BBS9: variants seen among roughly 807,000 people sequenced by gnomAD.
BBS9 encodes Bardet-Biedl syndrome 9.
In BBS9, 89 loss-of-function variants were observed where a neutral mutation model predicts 117.7. The ratio of observed to expected loss-of-function variants is 0.76; its 90% CI spans 0.64 to 0.90. The LOEUF (loss-of-function observed/expected upper bound fraction) is 0.90, where lower values mean the gene tolerates loss of function less well. Among genes scored for constraint, BBS9 ranks in the 40% least tolerant of loss-of-function variants. BBS9 has a pLI of 0.00. For synonymous variants in BBS9, 379 were observed against 370.9 expected, an observed-to-expected ratio of 1.02 and a Z score of -0.25; for missense variants, 982 against 1,042.2, an observed-to-expected ratio of 0.94 and a Z score of 0.80.
intron 4 of BBS9, among the ~76,000 whole-genome samples, chr7:33,159,908 TA>T (rs1217876406): frequency 3.3e-5 from 5 of 152,262 alleles, no homozygotes; most frequent in Admixed American, 6.5e-5. Flanking sequence ...CCAAACCAAC[TA>T]AAATTAAATA....
chr7:33,312,582 CAAA>C lies in BBS9; in HGVS notation c.1017-23858_1017-23856del, dbSNP rs1436006626. Among the ~76,000 whole-genome samples, 9 of 152,308 alleles carry C rather than the reference CAAA, an allele frequency of 5.9e-5. No homozygotes were observed. In the East Asian group the frequency reaches 1.7e-3, roughly 29 times the overall value. The stretch of plus-strand genomic sequence containing the variant: ...GGCCTACAACATCTTGCCAGACATT[CAAA>C]GGCCTTATGCACCTTTCATTTTTAT... On this transcript the variant is annotated intron_variant, in intron 9 of 22. Transcript: ENST00000242067.
At chr7:33,268,536 T>C (rs1211758104) in intron 7 of BBS9, among the ~76,000 whole-genome samples, 1 of 152,230 alleles carries the variant, frequency 6.6e-6, no homozygotes, top group Non-Finnish European at 1.5e-5. Flanking sequence ...TGGTGTCCAG[T>C]GCCTTGCAAA....
At chr7:33,543,000 TG>T (rs1239603331) in intron 21 of BBS9, among the ~76,000 whole-genome samples, 1 of 152,192 alleles carries the variant, frequency 6.6e-6, no homozygotes, top group Non-Finnish European at 1.5e-5. Flanking sequence ...CTGGATCAAA[TG>T]GTAGTTCTAC....
At chr7:33,553,964 G>C (rs1467771910) in intron 21 of BBS9, among the ~76,000 whole-genome samples, 1 of 152,098 alleles carries the variant, frequency 6.6e-6, no homozygotes, top group Non-Finnish European at 1.5e-5. Context: ...GTTTGTGGTG[G>C]AGGCTACTTT....
chr7:33,297,507 A>G (rs1476739551), intron 9 of BBS9, among the ~76,000 whole-genome samples: 3 of 152,176 alleles, frequency 2.0e-5, no homozygotes, highest in Admixed American at 1.3e-4. Context: ...TTTGCCTATT[A>G]TAGTTTGGTA....
chr7:33,537,413 T>C (rs544195120), intron 21 of BBS9, among the ~76,000 whole-genome samples: 54 of 152,240 alleles, frequency 3.5e-4, no homozygotes, highest in Non-Finnish European at 6.2e-4. Context: ...ACCAATTCTC[T>C]ATCAGTTTTT....
intron 21 of BBS9, among the ~76,000 whole-genome samples, chr7:33,551,733 C>T (rs1585225008): frequency 1.3e-5 from 2 of 152,020 alleles, no homozygotes; most frequent in African/African-American, 4.8e-5. Context: ...TTTCAGACAG[C>T]GAAAAGTGCA....
intron 19 of BBS9, among the ~76,000 whole-genome samples, chr7:33,413,923 C>T (rs1199036273): frequency 6.6e-6 from 1 of 152,088 alleles, no homozygotes; most frequent in Non-Finnish European, 1.5e-5. Flanking sequence ...ACTCAGGAGG[C>T]TGAGGCAGGA....
chr7:33,313,036 G>GGGGT (rs1002357620), intron 9 of BBS9, among the ~76,000 whole-genome samples: 2 of 147,948 alleles, frequency 1.4e-5, no homozygotes, highest in Admixed American at 6.8e-5. Context: ...TGTACTCTGT[G>GGGGT]GTGTGTGTGT....
intron 19 of BBS9, among the ~76,000 whole-genome samples, chr7:33,470,680 C>T (rs528445506): frequency 6.2e-4 from 94 of 152,258 alleles, no homozygotes; most frequent in African/African-American, 2.2e-3. Context: ...TGCCTGCTCA[C>T]CGTGGGTTAT....
intron 21 of BBS9, among the ~76,000 whole-genome samples, chr7:33,578,223 C>A (rs1355462512): frequency 6.6e-6 from 1 of 152,142 alleles, no homozygotes; most frequent in Non-Finnish European, 1.5e-5. Context: ...GCTATTACCA[C>A]CAGTGTGTAG....
intron 20 of BBS9, among the ~76,000 whole-genome samples, chr7:33,507,219 TC>T (rs1846263463): frequency 6.6e-6 from 1 of 152,080 alleles, no homozygotes; most frequent in African/African-American, 2.4e-5. Flanking sequence ...TTATGCAAGA[TC>T]AGTTTTTTTG....
intron 9 of BBS9, among the ~76,000 whole-genome samples, chr7:33,277,446 T>C (rs1449693317): frequency 6.6e-6 from 1 of 152,178 alleles, no homozygotes; most frequent in African/African-American, 2.4e-5. Context: ...GCTGAAAATA[T>C]TGTGGGCCAG....
At chr7:33,138,495 T>G (rs1438247426) in intron 1 of BBS9, among the ~76,000 whole-genome samples, 1 of 151,108 alleles carries the variant, frequency 6.6e-6, no homozygotes, top group Non-Finnish European at 1.5e-5. Flanking sequence ...TCTCATAAGC[T>G]TTTGAGTGAT....
At chr7:33,577,324 G>A (rs1447120180) in intron 21 of BBS9, among the ~76,000 whole-genome samples, 1 of 152,228 alleles carries the variant, frequency 6.6e-6, no homozygotes, top group African/African-American at 2.4e-5. Context: ...CTGGTCATCA[G>A]AGAAATGCAA....
chr7:33,231,408 T>C (rs2128257495), intron 5 of BBS9, among the ~76,000 whole-genome samples: 1 of 150,164 alleles, frequency 6.7e-6, no homozygotes, highest in Middle Eastern at 3.4e-3. Flanking sequence ...CTCTTTATTC[T>C]GTTCCTCTGG....
chr7:33,375,249 C>G (rs1487639733), intron 17 of BBS9, among the ~76,000 whole-genome samples: 1 of 152,004 alleles, frequency 6.6e-6, no homozygotes, highest in African/African-American at 2.4e-5. Flanking sequence ...GCTACTATTG[C>G]AAGATACAAA....
chr7:33,405,165 T>A (rs953970896), intron 19 of BBS9, among the ~76,000 whole-genome samples: 1 of 152,264 alleles, frequency 6.6e-6, no homozygotes, highest in African/African-American at 2.4e-5. Flanking sequence ...TTGCGTATAT[T>A]GAACCAGCCT....
chr7:33,415,835 T>G (rs1831916411), intron 19 of BBS9, among the ~76,000 whole-genome samples: 1 of 152,100 alleles, frequency 6.6e-6, no homozygotes, highest in Non-Finnish European at 1.5e-5. Flanking sequence ...TTTTTTTAAT[T>G]AAGAAAAAAA....
Sources: gnomAD v4.1 joint callset for allele counts (sites outside exome capture counted in the v4.1 genomes callset) on GRCh38, gnomAD v4.1.1 for gene constraint, MANE v1.5 for transcripts, NCBI Gene and HGNC (gene_info 2026-07-23, HGNC 2026-07-21) for gene names.